FBL: variants seen among roughly 807,000 people sequenced by gnomAD.
FBL encodes the protein fibrillarin rRNA 2'-O-methyltransferase, also known as rRNA 2'-O-methyltransferase fibrillarin.
FBL carries 10 observed loss-of-function variants against 42.2 expected under a neutral mutation model. The observed-to-expected ratio is 0.24, with a 90% CI of 0.15 to 0.40. The LOEUF is 0.40. Ranked by LOEUF, FBL falls within the 10% of genes least tolerant of loss-of-function variation. The probability of loss-of-function intolerance (pLI) is 1.00; values close to 1 mark genes in which losing one functional copy is unlikely to be tolerated. For missense variants in FBL, 351 were observed against 439.2 expected, an observed-to-expected ratio of 0.80 and a Z score of 1.79; for synonymous variants, 165 against 165.4, an observed-to-expected ratio of 1.00 and a Z score of 0.02.
Position 39,840,831 on chromosome 19 carries a change from A to G in FBL, c.11-44T>C, listed in dbSNP as rs1463526324. 5 of 1,481,514 alleles carry G rather than the reference A, an allele frequency of 3.4e-6. No homozygotes were observed. Among genetic ancestry groups the G allele is most frequent in the Non-Finnish European group, 2.7e-6 (3 of 1,111,114 alleles). The allele number at this position is 1,481,514 out of a possible 1,614,324, so 91.8% of individuals were successfully genotyped here. A position where few individuals can be genotyped will look rare whatever the true frequency, so the allele number is the denominator to read the frequency against. On this transcript the variant is annotated intron_variant, in intron 1 of 8. Transcript: ENST00000221801. This position sits in a 1 kb window ranked among gnomAD's most constrained non-coding sequence, Gnocchi z 4.5. The stretch of plus-strand genomic sequence containing the variant: ...AGGAGTCAGGGCAATGAAGCTTAAA[A>G]GGTTAAACCACCTTGTACCCAGCAA...
At chr19:39,844,335 A>C (rs1421830140) in intron 1 of FBL, among the ~76,000 whole-genome samples, 1 of 152,162 alleles carries the variant, frequency 6.6e-6, no homozygotes, top group Non-Finnish European at 1.5e-5. Flanking sequence ...GCATGAGTGT[A>C]AACTTTCAAT....
At chr19:39,842,368 G>C (rs1033158182) in intron 1 of FBL, among the ~76,000 whole-genome samples, 3 of 152,202 alleles carry the variant, frequency 2.0e-5, no homozygotes, top group African/African-American at 7.2e-5. Context: ...TTACAGGCGT[G>C]AGCCAGCGCG....
chr19:39,842,332 C>T (rs542603043), intron 1 of FBL, among the ~76,000 whole-genome samples: 2 of 152,258 alleles, frequency 1.3e-5, no homozygotes, highest in East Asian at 1.9e-4. Context: ...TTGATCCGCC[C>T]GCCTCAGCCT....
At chr19:39,845,177 T>A (rs1969237355) in intron 1 of FBL, among the ~76,000 whole-genome samples, 2 of 152,182 alleles carry the variant, frequency 1.3e-5, no homozygotes, top group Non-Finnish European at 2.9e-5. Context: ...AAACAGACCC[T>A]TTGGGCCATG....
intron 1 of FBL, among the ~76,000 whole-genome samples, chr19:39,843,320 A>T (rs1969195677): frequency 6.6e-6 from 1 of 152,190 alleles, no homozygotes; most frequent in South Asian, 2.1e-4. Flanking sequence ...CTATTTGTTC[A>T]GAAAGCACAC....
chr19:39,845,051 C>A (rs1184637044), intron 1 of FBL, among the ~76,000 whole-genome samples: 1 of 152,122 alleles, frequency 6.6e-6, no homozygotes. Context: ...GATCCCCAAA[C>A]ACGGAAGAGA....
Position 39,839,875 on chromosome 19 carries a change from G to A in FBL, c.378+358C>T, listed in dbSNP as rs1483868840. Among the ~76,000 whole-genome samples, 4 of 152,158 alleles carry A rather than the reference G, an allele frequency of 2.6e-5. No individual in the cohort carries two copies. The South Asian group carries it at 6.2e-4, about 24-fold the overall frequency. ...GCCTTGACCCGCAGAGTGGTGTGAC[G>A]CAGCCTGGAGAAGCAGATGATAAGG... On this transcript the variant is annotated intron_variant, in intron 4 of 8. Coordinates refer to ENST00000221801, the MANE Select transcript of FBL (RefSeq NM_001436.4).
intron 8 of FBL, 29 bp downstream of exon 8, chr19:39,834,639 T>C (rs1327555757): frequency 1.2e-6 from 2 of 1,614,078 alleles, no homozygotes; most frequent in Non-Finnish European, 1.7e-6. Context: ...GAGATGTCTG[T>C]CTTGGTGTAT....
At chr19:39,836,473 G>A (rs761004726) in intron 7 of FBL, 83 bp downstream of exon 7, 4 of 851,298 alleles carry the variant, frequency 4.7e-6, no homozygotes, top group Non-Finnish European at 7.4e-6. Context: ...CTCTGTTTTG[G>A]GTGGCTATTT....
intron 5 of FBL, 94 bp from the exon 6 acceptor site, chr19:39,837,937 A>C (rs932336233): frequency 1.5e-5 from 15 of 1,028,236 alleles, no homozygotes; most frequent in Middle Eastern, 2.3e-4. Context: ...CATCTCTTCC[A>C]ACCCCCAAAT....
Position 39,840,215 on chromosome 19 carries a change from C to T in FBL, c.378+18G>A. The stretch of plus-strand genomic sequence containing the variant: ...TCAGCTGCGACCCTGGTGGCTTGGA[C>T]AGGGGCCCAGTTCTCACCGAAATCG... On this transcript the variant is annotated intron_variant, in intron 4 of 8. Coordinates refer to ENST00000221801, the MANE Select transcript of FBL (RefSeq NM_001436.4). This position sits in a 1 kb window ranked among gnomAD's most constrained non-coding sequence, Gnocchi z 4.5. The T allele has an allele frequency of 6.2e-7, 1 of 1,600,202 alleles. No homozygotes were observed. The highest frequency in any genetic ancestry group is 8.6e-7 in the Non-Finnish European group (1 of 1,168,010).
intron 1 of FBL, among the ~76,000 whole-genome samples, chr19:39,845,709 C>T (rs916412726): frequency 1.3e-5 from 2 of 152,212 alleles, no homozygotes; most frequent in African/African-American, 4.8e-5. Flanking sequence ...CCCGGGGATC[C>T]GCCCCACTGT....
intron 1 of FBL, among the ~76,000 whole-genome samples, chr19:39,844,391 T>C (rs961580094): frequency 5.3e-5 from 8 of 152,030 alleles, no homozygotes; most frequent in Non-Finnish European, 1.0e-4. Context: ...CCTGGAGCTT[T>C]TGGGGGAAAA....
chr19:39,836,929 A>G (rs1340776494), intron 6 of FBL, among the ~76,000 whole-genome samples: 1 of 152,224 alleles, frequency 6.6e-6, no homozygotes, highest in Non-Finnish European at 1.5e-5. Flanking sequence ...TGGGGGACAT[A>G]GAGACGAGTC....
chr19:39,844,649 A>G (rs1284946788), intron 1 of FBL, among the ~76,000 whole-genome samples: 2 of 152,148 alleles, frequency 1.3e-5, no homozygotes, highest in Non-Finnish European at 2.9e-5. Context: ...AAAGCATGTA[A>G]AACTGTCAGC....
intron 1 of FBL, among the ~76,000 whole-genome samples, chr19:39,842,472 T>C (rs756806207): frequency 1.2e-4 from 18 of 152,302 alleles, no homozygotes; most frequent in Middle Eastern, 3.4e-3. Flanking sequence ...AAAAAATGTG[T>C]CTTTTAACAG....
intron 5 of FBL, 33 bp from the exon 6 acceptor site, chr19:39,837,876 G>A: frequency 1.3e-6 from 2 of 1,599,932 alleles, no homozygotes; most frequent in Non-Finnish European, 1.7e-6. Context: ...GAACAGTGAT[G>A]CTAGTTCTCA....
chr19:39,842,810 C>T (rs1324157583), intron 1 of FBL, among the ~76,000 whole-genome samples: 2 of 152,146 alleles, frequency 1.3e-5, no homozygotes, highest in African/African-American at 4.8e-5. Context: ...CAGGTGACTC[C>T]AAGGTGCAGC....
At chr19:39,841,766 A>G (rs1045898980) in intron 1 of FBL, among the ~76,000 whole-genome samples, 51 of 152,236 alleles carry the variant, frequency 3.4e-4, no homozygotes, top group African/African-American at 1.2e-3. Context: ...CAGGGGAAAA[A>G]CAAGAAAAAG....
Sources: allele counts gnomAD v4.1 joint callset (sites outside exome capture counted in the v4.1 genomes callset), GRCh38; gene constraint gnomAD v4.1.1; non-coding constraint Gnocchi (gnomAD v3.1); transcripts MANE v1.5; gene names NCBI Gene and HGNC (gene_info 2026-07-23, HGNC 2026-07-21).